Variants in ADK observed in about 807,000 individuals in gnomAD.
ADK encodes the protein adenosine kinase, also known as N6,N6-dimethyladenosine kinase.
Under a neutral mutation model 44.7 loss-of-function variants are expected in ADK, and 24 were observed. The observed-to-expected ratio is 0.54, with a 90% CI of 0.39 to 0.76. The LOEUF is 0.76. Among genes scored for constraint, ADK ranks in the 30% least tolerant of loss-of-function variants. The pLI, the probability that ADK is intolerant of heterozygous loss-of-function variation, is 0.00. For synonymous variants in ADK, 128 were observed against 142.6 expected, an observed-to-expected ratio of 0.90 and a Z score of 0.73; for missense variants, 321 against 425.1, an observed-to-expected ratio of 0.76 and a Z score of 2.15.
At chr10:74,208,891 C>T (rs1350152570) in intron 2 of ADK, among the ~76,000 whole-genome samples, 1 of 152,082 alleles carries the variant, frequency 6.6e-6, no homozygotes, top group African/African-American at 2.4e-5. Context: ...CATGTGCCAC[C>T]ATGCCCGGCT....
chr10:74,425,391 T>C (rs185875976), intron 6 of ADK, among the ~76,000 whole-genome samples: 44 of 152,282 alleles, frequency 2.9e-4, no homozygotes, highest in African/African-American at 1.0e-3. Flanking sequence ...TGTAGCTCTT[T>C]AGGATCCCAA....
chr10:74,490,496 C>G (rs372570754), intron 6 of ADK, among the ~76,000 whole-genome samples: 6 of 152,072 alleles, frequency 3.9e-5, no homozygotes, highest in African/African-American at 1.4e-4. Context: ...AATACTGTAT[C>G]ACTTTTTAGT....
At chr10:74,394,398 T>A in intron 5 of ADK, 85 bp downstream of exon 5, 1 of 1,313,598 alleles carries the variant, frequency 7.6e-7, no homozygotes, top group Non-Finnish European at 1.1e-6. Context: ...ATTTGGAATT[T>A]TGACTTTATA....
intron 6 of ADK, among the ~76,000 whole-genome samples, chr10:74,399,885 A>G (rs546593618): frequency 6.6e-6 from 1 of 152,242 alleles, no homozygotes; most frequent in South Asian, 2.1e-4. Flanking sequence ...CTATGTTTCA[A>G]TATATAGTTG....
chr10:74,689,130 T>C (rs1338535085), intron 10 of ADK, among the ~76,000 whole-genome samples: 1 of 151,608 alleles, frequency 6.6e-6, no homozygotes, highest in Non-Finnish European at 1.5e-5. Flanking sequence ...GCGCCTGTAG[T>C]CCCAGCTACT....
At chr10:74,205,787 CT>C (rs1220432300) in intron 2 of ADK, among the ~76,000 whole-genome samples, 1 of 151,592 alleles carries the variant, frequency 6.6e-6, no homozygotes, top group African/African-American at 2.4e-5. Flanking sequence ...AAAGAAAAAC[CT>C]TTTGACAAAA....
intron 10 of ADK, among the ~76,000 whole-genome samples, chr10:74,687,929 T>C (rs1855852522): frequency 6.6e-6 from 1 of 152,236 alleles, no homozygotes; most frequent in Non-Finnish European, 1.5e-5. Context: ...ATAATCACTT[T>C]AGGAAGAAGT....
chr10:74,696,619 C>T (rs1856217913), intron 10 of ADK, among the ~76,000 whole-genome samples: 2 of 152,180 alleles, frequency 1.3e-5, no homozygotes, highest in East Asian at 3.9e-4. Context: ...ATCTGCCCGC[C>T]TCGGCCTCCC....
At chr10:74,688,117 C>T (rs1445300205) in intron 10 of ADK, among the ~76,000 whole-genome samples, 1 of 152,212 alleles carries the variant, frequency 6.6e-6, no homozygotes, top group Non-Finnish European at 1.5e-5. Context: ...AGTCTTCTTT[C>T]AGGCCTTAGA....
chr10:74,224,068 ACT>A (rs1844429260), intron 2 of ADK, among the ~76,000 whole-genome samples: 1 of 152,062 alleles, frequency 6.6e-6, no homozygotes, highest in Non-Finnish European at 1.5e-5. Flanking sequence ...ACAGAGTGAG[ACT>A]CTATCTCAAC....
chr10:74,441,218 T>C (rs1386406111), intron 6 of ADK, among the ~76,000 whole-genome samples: 1 of 152,184 alleles, frequency 6.6e-6, no homozygotes, highest in African/African-American at 2.4e-5. Context: ...GGCATAACCA[T>C]GTGAGCTTTA....
intron 9 of ADK, among the ~76,000 whole-genome samples, chr10:74,616,075 T>C (rs998602582): frequency 6.6e-6 from 1 of 152,116 alleles, no homozygotes; most frequent in Non-Finnish European, 1.5e-5. Flanking sequence ...CCATATTGAG[T>C]TGTCTTATTG....
intron 9 of ADK, among the ~76,000 whole-genome samples, chr10:74,630,266 A>G (rs1005398101): frequency 1.3e-5 from 2 of 152,062 alleles, no homozygotes; most frequent in Non-Finnish European, 2.9e-5. Flanking sequence ...GCAAACTACT[A>G]TAGATGTGAT....
chr10:74,594,242 G>C (rs1380388793), intron 8 of ADK, among the ~76,000 whole-genome samples: 1 of 151,996 alleles, frequency 6.6e-6, no homozygotes, highest in East Asian at 1.9e-4. Flanking sequence ...GTAGATGACA[G>C]GTTGATGGCT....
chr10:74,281,877 G>T (rs915238282), intron 3 of ADK, among the ~76,000 whole-genome samples: 1 of 152,096 alleles, frequency 6.6e-6, no homozygotes, highest in African/African-American at 2.4e-5. Context: ...CATTTTAGTT[G>T]TTTGGAAAAA....
chr10:74,239,639 G>A (rs1591914821), intron 3 of ADK, among the ~76,000 whole-genome samples: 1 of 149,608 alleles, frequency 6.7e-6, no homozygotes, highest in East Asian at 2.0e-4. Context: ...TTGACCTGGG[G>A]AGGTTGAGTC....
chr10:74,202,869 A>G (rs369413856), intron 2 of ADK, among the ~76,000 whole-genome samples: 7 of 152,244 alleles, frequency 4.6e-5, no homozygotes, highest in Non-Finnish European at 7.3e-5. Flanking sequence ...ATCAGCTAGC[A>G]TATGATTTGC....
chr10:74,353,728 C>T (rs974844310), intron 4 of ADK, among the ~76,000 whole-genome samples: 29 of 151,952 alleles, frequency 1.9e-4, no homozygotes, highest in East Asian at 3.9e-4. Context: ...ATTAGCCAGG[C>T]GTGGTGGCGG....
intron 4 of ADK, among the ~76,000 whole-genome samples, chr10:74,383,754 C>T (rs1843051974): frequency 1.0e-5 from 1 of 99,516 alleles, no homozygotes; most frequent in Non-Finnish European, 2.6e-5. Flanking sequence ...CTGAGGGGAC[C>T]TTAGCAAGAC....
Sources: gnomAD v4.1 joint callset for allele counts (sites outside exome capture counted in the v4.1 genomes callset) on GRCh38, gnomAD v4.1.1 for gene constraint, MANE v1.5 for transcripts, NCBI Gene and HGNC (gene_info 2026-07-23, HGNC 2026-07-21) for gene names.